Variants in DCT observed in about 807,000 individuals in gnomAD.
The protein encoded by DCT is L-dopachrome tautomerase.
DCT carries 47 observed loss-of-function variants against 53.0 expected under a neutral mutation model. The observed-to-expected ratio is 0.89, with a 90% confidence interval of 0.70 to 1.13. DCT has a LOEUF of 1.13. Among genes scored for constraint, DCT ranks in the 50% most tolerant of loss-of-function variants. The pLI is 0.00. For missense variants in DCT, 669 were observed against 637.4 expected (o/e 1.05, Z -0.53); for synonymous variants, 244 against 237.0 (o/e 1.03, Z -0.27).
the DCT span, among the ~76,000 whole-genome samples, chr13:94,521,380 C>G: frequency 6.6e-6 from 1 of 152,162 alleles, no homozygotes; most frequent in Non-Finnish European, 1.5e-5. Context: ...ATGTTAAGAA[C>G]CCTTTAGTGG....
the DCT span, among the ~76,000 whole-genome samples, chr13:94,547,124 T>A: frequency 2.4e-5 from 1 of 41,400 alleles, no homozygotes; most frequent in East Asian, 1.4e-3. Flanking sequence ...GCTTCTAAAC[T>A]TTTTTTTTTT....
At chr13:94,477,586 C>A (rs1885177319) in intron 1 of DCT, among the ~76,000 whole-genome samples, 1 of 152,094 alleles carries the variant, frequency 6.6e-6, no homozygotes, top group South Asian at 2.1e-4. Flanking sequence ...CAAACCCTAG[C>A]ACTGTGCAAT....
At chr13:94,490,504 CAAAAAAAAAAAAAA>C in the DCT span, among the ~76,000 whole-genome samples, 1,053 of 35,548 alleles carry the variant, frequency 0.03, 30 homozygotes, top group Middle Eastern at 0.088. Context: ...GACTCGGTCT[CAAAAAAAAAAAAAA>C]AAAAAAAAAA....
chr13:94,476,402 C>T (rs1235060893), intron 1 of DCT, among the ~76,000 whole-genome samples: 1 of 151,102 alleles, frequency 6.6e-6, no homozygotes, highest in African/African-American at 2.4e-5. Flanking sequence ...ATGTGACTTC[C>T]TAAAGTCCTC....
chr13:94,485,669 AC>A, the DCT span, among the ~76,000 whole-genome samples: 16 of 152,170 alleles, frequency 1.1e-4, no homozygotes, highest in South Asian at 2.1e-4. Context: ...TCACGGAAAC[AC>A]CCAGTTTGAA....
the DCT span, among the ~76,000 whole-genome samples, chr13:94,530,259 A>G: frequency 6.6e-6 from 1 of 152,232 alleles, no homozygotes; most frequent in Non-Finnish European, 1.5e-5. Flanking sequence ...ATCAATAGAA[A>G]AAGAGGGAAT....
chr13:94,482,408 A>G (rs1885480658), upstream of DCT, among the ~76,000 whole-genome samples: 1 of 152,202 alleles, frequency 6.6e-6, no homozygotes. Flanking sequence ...TCTGTCTGGA[A>G]TAATCTTGCT....
upstream of DCT, among the ~76,000 whole-genome samples, chr13:94,484,518 C>T (rs879321590): frequency 4.6e-5 from 7 of 152,152 alleles, no homozygotes; most frequent in Non-Finnish European, 1.0e-4. Flanking sequence ...TAACAAAATG[C>T]CATAGAGTAG....
intron 5 of DCT, among the ~76,000 whole-genome samples, chr13:94,460,854 T>C (rs1883736163): frequency 6.6e-6 from 1 of 152,164 alleles, no homozygotes; most frequent in East Asian, 1.9e-4. Context: ...TAAACAAAGA[T>C]GGGTCCAAAA....
chr13:94,547,768 T>C, the DCT span, among the ~76,000 whole-genome samples: 2 of 151,660 alleles, frequency 1.3e-5, no homozygotes, highest in East Asian at 3.9e-4. Flanking sequence ...GGCGGGTGGA[T>C]TACTTGAGGT....
At chr13:94,448,731 C>T (rs1330942240) in intron 6 of DCT, among the ~76,000 whole-genome samples, 1 of 151,894 alleles carries the variant, frequency 6.6e-6, no homozygotes, top group East Asian at 1.9e-4. Flanking sequence ...GGTGAAACCC[C>T]ATCTCTACTA....
chr13:94,455,573 T>C (rs868114619), intron 6 of DCT, among the ~76,000 whole-genome samples: 5 of 152,212 alleles, frequency 3.3e-5, no homozygotes, highest in Admixed American at 6.5e-5. Flanking sequence ...GCATGATCTA[T>C]GGCTGATTTC....
the DCT span, among the ~76,000 whole-genome samples, chr13:94,510,462 T>A: frequency 2.0e-5 from 3 of 152,114 alleles, no homozygotes; most frequent in African/African-American, 4.8e-5. Context: ...ACATACAAGG[T>A]TTAAAAGACT....
intron 2 of DCT, chr13:94,467,308 T>A (rs537524077): frequency 6.6e-6 from 1 of 152,360 alleles, no homozygotes; most frequent in African/African-American, 2.4e-5. Flanking sequence ...AATGACCTCC[T>A]TACTGCCTGG....
the DCT span, among the ~76,000 whole-genome samples, chr13:94,547,984 A>AAAAAAAAAAAAAAAAATATAT: frequency 1.5e-5 from 1 of 65,844 alleles, no homozygotes; most frequent in Non-Finnish European, 2.3e-5. Context: ...AAAAAAAAAA[A>AAAAAAAAAAAAAAAAATATAT]ATATATATAT....
the DCT span, among the ~76,000 whole-genome samples, chr13:94,485,167 G>A: frequency 6.6e-6 from 1 of 152,150 alleles, no homozygotes; most frequent in South Asian, 2.1e-4. Context: ...ACTTCAGGGG[G>A]ATCTTTGAAC....
chr13:94,518,148 AGG>A, the DCT span, among the ~76,000 whole-genome samples: 110 of 148,164 alleles, frequency 7.4e-4, no homozygotes, highest in South Asian at 5.6e-3. Flanking sequence ...GAAGGAAGGA[AGG>A]AAGGAATGAA....
rs146134025 is a variant in DCT, at chr13:94,460,107, T to C, written c.1163A>G (p.Asn388Ser). 244 of 1,614,028 alleles carry C rather than the reference T, an allele frequency of 1.5e-4. No individual in the cohort carries two copies. The highest frequency in any genetic ancestry group is 5.9e-4 in the African/African-American group (44 of 75,050). ...TGAACATACCACAAAAATGGGATCA[T>C]TGGCGGCTGAATGTGGCAAAGCGTT... ...GTNALPHSAA[N>S]DPIFVVLHSF... Residue 388 changes from asparagine to serine, a missense_variant, in exon 6 of 8, where the codon AAT (asparagine) becomes AGT (serine). Physicochemically the swap from Asn to Ser is conservative, Grantham distance 46. Transcript: ENST00000377028.
the DCT span, among the ~76,000 whole-genome samples, chr13:94,506,297 A>G: frequency 6.6e-6 from 1 of 152,228 alleles, no homozygotes; most frequent in East Asian, 1.9e-4. Context: ...GCTCTTGGGG[A>G]AAGTTGATTC....
Sources: gnomAD v4.1 joint callset for allele counts (sites outside exome capture counted in the v4.1 genomes callset) on GRCh38, gnomAD v4.1.1 for gene constraint, MANE v1.5 for transcripts, NCBI Gene and HGNC (gene_info 2026-07-23, HGNC 2026-07-21) for gene names.